The following CERS3 variants were observed in gnomAD, a reference collection of about 807,000 sequenced individuals.
CERS3 encodes LAG1 homolog, ceramide synthase 3.
Under a neutral mutation model 50.3 loss-of-function variants are expected in CERS3, and 33 were observed. The observed-to-expected ratio is 0.66, with a 90% CI of 0.50 to 0.88. CERS3 has a LOEUF of 0.88. Ranked by LOEUF, CERS3 falls within the 40% of genes least tolerant of loss-of-function variation. The pLI is 0.00. For missense variants in CERS3, 470 were observed against 460.3 expected (o/e 1.02, Z -0.19); for synonymous variants, 176 against 155.2 (o/e 1.13, Z -0.99).
chr15:100,479,271 T>C (rs1031210905), intron 7 of CERS3, among the ~76,000 whole-genome samples, 157 bp downstream of exon 7: 3 of 151,718 alleles, frequency 2.0e-5, no homozygotes, highest in African/African-American at 7.3e-5. Flanking sequence ...ATGAGACAAA[T>C]GAGGGTCAAT....
At chr15:100,404,891 A>C (rs2030868220) in intron 11 of CERS3, among the ~76,000 whole-genome samples, 1 of 152,238 alleles carries the variant, frequency 6.6e-6, no homozygotes, top group Non-Finnish European at 1.5e-5. Context: ...CTTTTCAACA[A>C]ATGGTCAGAG....
chr15:100,475,329 C>T (rs866955222), intron 8 of CERS3, among the ~76,000 whole-genome samples: 1 of 152,162 alleles, frequency 6.6e-6, no homozygotes, highest in Non-Finnish European at 1.5e-5. Flanking sequence ...TTTAATCAAG[C>T]TAAACTGGTT....
At chr15:100,542,914 TTTTG>T (rs1173100314) in intron 1 of CERS3, among the ~76,000 whole-genome samples, 4 of 152,202 alleles carry the variant, frequency 2.6e-5, no homozygotes, top group South Asian at 2.1e-4. Context: ...GGTCAAATTT[TTTTG>T]TTTGTTTGTT....
chr15:100,449,948 C>A (rs2034093353), intron 11 of CERS3, among the ~76,000 whole-genome samples: 1 of 151,812 alleles, frequency 6.6e-6, no homozygotes, highest in African/African-American at 2.4e-5. Flanking sequence ...TATTAAAGAA[C>A]CTCAGTGAGA....
intron 3 of CERS3, among the ~76,000 whole-genome samples, chr15:100,497,798 T>C (rs2035865487): frequency 6.6e-6 from 1 of 151,718 alleles, no homozygotes. Flanking sequence ...CAGTCCTCTT[T>C]GTTAACTTCA....
chr15:100,461,537 G>T (rs2034551179), intron 10 of CERS3, among the ~76,000 whole-genome samples: 1 of 152,194 alleles, frequency 6.6e-6, no homozygotes, highest in Admixed American at 6.5e-5. Context: ...TCAATGAGTT[G>T]ACAAATGGAA....
At chr15:100,507,287 A>G (rs1340272302) in intron 2 of CERS3, among the ~76,000 whole-genome samples, 1 of 152,198 alleles carries the variant, frequency 6.6e-6, no homozygotes, top group Admixed American at 6.5e-5. Flanking sequence ...CTTGAAGATA[A>G]GGGTGGTCAT....
At chr15:100,544,005 C>CG (rs2037271273) in intron 1 of CERS3, 1 of 57,542 alleles carries the variant, frequency 1.7e-5, no homozygotes, top group African/African-American at 3.4e-5. Context: ...GGCTTTGTAG[C>CG]CGGGGGAAAG....
intron 11 of CERS3, among the ~76,000 whole-genome samples, chr15:100,444,782 G>T (rs2033861284): frequency 6.6e-6 from 1 of 152,182 alleles, no homozygotes; most frequent in Non-Finnish European, 1.5e-5. Flanking sequence ...GGTTTAGGTA[G>T]ACACTTTCAC....
intron 11 of CERS3, among the ~76,000 whole-genome samples, chr15:100,416,009 T>C (rs1475958256): frequency 6.6e-6 from 1 of 151,880 alleles, no homozygotes; most frequent in Non-Finnish European, 1.5e-5. Context: ...AATGGAAAAA[T>C]GTTCCATATT....
intron 11 of CERS3, among the ~76,000 whole-genome samples, chr15:100,414,204 T>G (rs2031715626): frequency 1.3e-5 from 2 of 152,040 alleles, no homozygotes; most frequent in Non-Finnish European, 2.9e-5. Flanking sequence ...ATAAAATATC[T>G]AGGAATATAG....
At chr15:100,522,847 G>A (rs180705760) in intron 1 of CERS3, among the ~76,000 whole-genome samples, 10 of 152,266 alleles carry the variant, frequency 6.6e-5, no homozygotes, top group African/African-American at 2.4e-4. Context: ...CATATACCTG[G>A]GAGTGGAAAC....
At chr15:100,422,412 G>A (rs1364682673) in intron 11 of CERS3, among the ~76,000 whole-genome samples, 3 of 104,986 alleles carry the variant, frequency 2.9e-5, no homozygotes, top group South Asian at 3.7e-4. Flanking sequence ...TTAGAATGGC[G>A]ATCATTAAAA....
chr15:100,493,519 T>C (rs2035713109), intron 3 of CERS3, among the ~76,000 whole-genome samples: 1 of 152,218 alleles, frequency 6.6e-6, no homozygotes, highest in Non-Finnish European at 1.5e-5. Flanking sequence ...GTAGATGTAG[T>C]TCTCTTTAAA....
At chr15:100,444,982 T>C (rs1005146830) in intron 11 of CERS3, among the ~76,000 whole-genome samples, 2 of 152,064 alleles carry the variant, frequency 1.3e-5, no homozygotes, top group Non-Finnish European at 2.9e-5. Context: ...TTTATATCCC[T>C]TACAGTCCTC....
intron 5 of CERS3, 138 bp downstream of exon 5, chr15:100,484,412 G>C (rs2035425063): frequency 4.7e-6 from 3 of 633,190 alleles, no homozygotes; most frequent in Non-Finnish European, 8.5e-6. Context: ...TATGTGAGGA[G>C]CCTAAAACAC....
At chr15:100,469,280 G>T in intron 10 of CERS3, 98 bp downstream of exon 10, 2 of 772,226 alleles carry the variant, frequency 2.6e-6, no homozygotes, top group South Asian at 1.8e-5. Context: ...AATAACTGGA[G>T]ACCCACGTAT....
At chr15:100,436,361 C>T (rs2033402792) in intron 11 of CERS3, among the ~76,000 whole-genome samples, 1 of 152,148 alleles carries the variant, frequency 6.6e-6, no homozygotes, top group South Asian at 2.1e-4. Context: ...TCTCAGCAAA[C>T]TAACACAAGA....
At position 100,503,556 on chromosome 15, in the gene CERS3, G is replaced by T. The variant is rs2036074662; in HGVS notation, c.-1-1706C>A. On this transcript the variant is annotated intron_variant, in intron 2 of 11. Transcript: ENST00000679737. ...CTATTTTAGAAAGGTCAATTTGGTA[G>T]CCAGCTCCTCTGTGAGCCCATAGGG... is the stretch of plus-strand genomic sequence containing the variant. Among the ~76,000 whole-genome samples the T allele has an allele frequency of 2.6e-5, 4 of 152,300 alleles. No individual in the cohort carries two copies. In the South Asian group the frequency reaches 8.3e-4, roughly 32 times the overall value.
Sources: allele counts gnomAD v4.1 joint callset (sites outside exome capture counted in the v4.1 genomes callset), GRCh38; gene constraint gnomAD v4.1.1; transcripts MANE v1.5; gene names NCBI Gene and HGNC (gene_info 2026-07-23, HGNC 2026-07-21).